Variants in RBFOX1 observed in about 807,000 individuals in gnomAD.
The protein encoded by RBFOX1 is RNA binding fox-1 homolog 1.
RBFOX1 carries 8 observed loss-of-function variants against 57.7 expected under a neutral mutation model. That is an observed-to-expected ratio of 0.14 (90% CI 0.08 to 0.25). The LOEUF (loss-of-function observed/expected upper bound fraction) is 0.25, where lower values mean the gene tolerates loss of function less well. RBFOX1 is among the 10% of genes least tolerant of loss of function. The probability of loss-of-function intolerance (pLI) is 1.00; values close to 1 mark genes in which losing one functional copy is unlikely to be tolerated. For synonymous variants in RBFOX1, 326 were observed against 222.4 expected (o/e 1.47, Z -4.15); for missense variants, 611 against 548.5 (o/e 1.11, Z -1.14).
intron 2 of RBFOX1, among the ~76,000 whole-genome samples, chr16:5,521,524 A>AC (rs35503525): frequency 0.83 from 126,043 of 152,126 alleles, 52,528 homozygotes; most frequent in East Asian, 0.99. Context: ...CTATCTGTAA[A>AC]CTATTGCCTT....
intron 1 of RBFOX1, among the ~76,000 whole-genome samples, chr16:6,198,656 G>T (rs2097196129): frequency 6.6e-6 from 1 of 152,140 alleles, no homozygotes; most frequent in Non-Finnish European, 1.5e-5. Context: ...GTAGAGGGGT[G>T]GAAGCATAAC....
intron 4 of RBFOX1, among the ~76,000 whole-genome samples, chr16:5,924,630 A>G (rs1183503748): frequency 2.0e-5 from 3 of 152,188 alleles, no homozygotes; most frequent in Non-Finnish European, 4.4e-5. Context: ...TGCTGGCACC[A>G]TGCTTCTTGT....
intron 3 of RBFOX1, among the ~76,000 whole-genome samples, chr16:6,811,440 T>C (rs1318777828): frequency 6.6e-6 from 1 of 152,204 alleles, no homozygotes; most frequent in African/African-American, 2.4e-5. Context: ...ATACAATATA[T>C]TTTTTTCCTC....
intron 2 of RBFOX1, among the ~76,000 whole-genome samples, chr16:6,452,729 G>T (rs919232895): frequency 6.6e-6 from 1 of 152,206 alleles, no homozygotes; most frequent in Admixed American, 6.5e-5. Context: ...TTTGCAGTTA[G>T]ACTGCTTTAA....
At chr16:5,482,125 C>T (rs573692762) in intron 2 of RBFOX1, among the ~76,000 whole-genome samples, 10 of 152,298 alleles carry the variant, frequency 6.6e-5, no homozygotes, top group African/African-American at 2.4e-4. Flanking sequence ...GTGATAAACA[C>T]ATGAGCCATC....
chr16:6,761,440 T>A (rs2076579133), intron 3 of RBFOX1, among the ~76,000 whole-genome samples: 1 of 151,836 alleles, frequency 6.6e-6, no homozygotes, highest in Non-Finnish European at 1.5e-5. Flanking sequence ...ACAGTTTTCC[T>A]GTTAGTTTTT....
chr16:7,136,284 A>C (rs142677660), intron 4 of RBFOX1, among the ~76,000 whole-genome samples: 2 of 152,188 alleles, frequency 1.3e-5, no homozygotes, highest in Admixed American at 1.3e-4. Context: ...AATGAAATCA[A>C]CAGTTCAGTT....
chr16:5,560,157 C>G (rs908310586), intron 2 of RBFOX1, among the ~76,000 whole-genome samples: 1 of 152,198 alleles, frequency 6.6e-6, no homozygotes, highest in Non-Finnish European at 1.5e-5. Context: ...GCCTGACAGT[C>G]TCTTTCCCTT....
intron 14 of RBFOX1, among the ~76,000 whole-genome samples, chr16:7,701,630 C>T (rs765143040): frequency 6.6e-6 from 1 of 152,076 alleles, no homozygotes; most frequent in East Asian, 1.9e-4. Flanking sequence ...TGGTTTAGTT[C>T]CTCCAACTTC....
intron 3 of RBFOX1, among the ~76,000 whole-genome samples, chr16:5,866,143 GT>G (rs1168310211): frequency 6.6e-6 from 1 of 152,026 alleles, no homozygotes; most frequent in Non-Finnish European, 1.5e-5. Context: ...AATTTTTTGT[GT>G]TTTTAGTAGG....
chr16:7,364,584 A>C lies in RBFOX1; in HGVS notation c.28-153563A>C, dbSNP rs148003982. ...ATGATATCAAGAAGACCAAAAAAAA[A>C]AAAAACAAAAAAAAAAAACTTGGAT... On this transcript the variant is annotated intron_variant, in intron 4 of 15. Transcript: ENST00000550418. Among the ~76,000 whole-genome samples the C allele has an allele frequency of 2.0e-3, 301 of 150,700 alleles. 2 individuals are homozygous for C. The highest frequency in any genetic ancestry group is 6.7e-3 in the African/African-American group (271 of 40,604).
At chr16:5,566,000 T>C (rs1159216639) in intron 2 of RBFOX1, among the ~76,000 whole-genome samples, 2 of 152,208 alleles carry the variant, frequency 1.3e-5, no homozygotes, top group Non-Finnish European at 2.9e-5. Context: ...TGAGATCTGA[T>C]GATTTTATAA....
intron 3 of RBFOX1, among the ~76,000 whole-genome samples, chr16:5,658,569 G>T (rs1455854908): frequency 4.6e-5 from 7 of 151,956 alleles, no homozygotes; most frequent in Admixed American, 4.6e-4. Flanking sequence ...AGAGGGCACA[G>T]AGCTTAGCTC....
chr16:6,849,859 C>G (rs908783547), intron 3 of RBFOX1, among the ~76,000 whole-genome samples: 4 of 152,038 alleles, frequency 2.6e-5, no homozygotes, highest in African/African-American at 7.2e-5. Context: ...ATTTTTCTTC[C>G]TACCCTGCCA....
At chr16:5,970,328 T>G (rs2059937657) in intron 4 of RBFOX1, among the ~76,000 whole-genome samples, 1 of 152,156 alleles carries the variant, frequency 6.6e-6, no homozygotes, top group Non-Finnish European at 1.5e-5. Flanking sequence ...ATGGCCATCA[T>G]TCTTCCAGAA....
intron 2 of RBFOX1, among the ~76,000 whole-genome samples, chr16:5,597,939 A>AAG (rs1402248487): frequency 2.6e-5 from 4 of 152,142 alleles, no homozygotes; most frequent in African/African-American, 9.7e-5. Context: ...CACCTGTGAG[A>AAG]CGGGGCTGAG....
At chr16:5,579,249 C>T (rs2046578753) in intron 2 of RBFOX1, among the ~76,000 whole-genome samples, 1 of 152,104 alleles carries the variant, frequency 6.6e-6, no homozygotes, top group South Asian at 2.1e-4. Context: ...GTGCAGGTAG[C>T]CAGACAGGTG....
intron 4 of RBFOX1, among the ~76,000 whole-genome samples, chr16:5,867,524 T>G (rs2057371742): frequency 6.6e-6 from 1 of 152,110 alleles, no homozygotes; most frequent in Non-Finnish European, 1.5e-5. Context: ...CGCACTGCTC[T>G]TCATGGAGTG....
intron 2 of RBFOX1, among the ~76,000 whole-genome samples, chr16:6,565,587 C>T (rs2097253337): frequency 1.3e-5 from 2 of 150,956 alleles, no homozygotes; most frequent in Admixed American, 1.3e-4. Flanking sequence ...CCTGCCTCAG[C>T]CTCCCAAGTA....
Sources: allele counts gnomAD v4.1 joint callset (sites outside exome capture counted in the v4.1 genomes callset), GRCh38; gene constraint gnomAD v4.1.1; transcripts MANE v1.5; gene names NCBI Gene and HGNC (gene_info 2026-07-23, HGNC 2026-07-21).